Variants in CATSPERE observed in about 807,000 individuals in gnomAD.
The protein encoded by CATSPERE is cation channel sperm-associated auxiliary subunit epsilon.
Under a neutral mutation model 114.1 loss-of-function variants are expected in CATSPERE, and 93 were observed. That is an observed-to-expected ratio of 0.81 (90% CI 0.69 to 0.97). The LOEUF (loss-of-function observed/expected upper bound fraction) is 0.97, where lower values mean the gene tolerates loss of function less well. Among genes scored for constraint, CATSPERE ranks in the 50% least tolerant of loss-of-function variants. The probability of loss-of-function intolerance (pLI) is 0.00; values close to 1 mark genes in which losing one functional copy is unlikely to be tolerated. For missense variants in CATSPERE, 1,058 were observed against 1,131.6 expected (o/e 0.93, Z 0.93); for synonymous variants, 341 against 384.1 (o/e 0.89, Z 1.31).
At chr1:244,465,557 T>A (rs562411259) in intron 2 of CATSPERE, among the ~76,000 whole-genome samples, 1 of 152,234 alleles carries the variant, frequency 6.6e-6, no homozygotes, top group Non-Finnish European at 1.5e-5. Flanking sequence ...ATGTCACCTT[T>A]GTTCCGTATG....
At chr1:244,490,574 T>C (rs1272850290) in intron 6 of CATSPERE, 103 bp downstream of exon 6, 2 of 774,470 alleles carry the variant, frequency 2.6e-6, no homozygotes, top group East Asian at 2.6e-5. Context: ...CAAATGAATT[T>C]TGCAATGATA....
intron 17 of CATSPERE, among the ~76,000 whole-genome samples, chr1:244,601,076 A>G (rs1486253736): frequency 6.6e-6 from 1 of 152,218 alleles, no homozygotes; most frequent in Non-Finnish European, 1.5e-5. Context: ...ATGAAAAGAA[A>G]GTAGGCATAT....
At chr1:244,536,319 G>T (rs1260178351) in intron 8 of CATSPERE, among the ~76,000 whole-genome samples, 1 of 152,088 alleles carries the variant, frequency 6.6e-6, no homozygotes, top group African/African-American at 2.4e-5. Context: ...GCCCAGTACA[G>T]CACTAGATCT....
intron 20 of CATSPERE, among the ~76,000 whole-genome samples, chr1:244,621,697 G>C (rs1233853664): frequency 2.6e-5 from 4 of 152,022 alleles, no homozygotes; most frequent in Non-Finnish European, 4.4e-5. Context: ...CTTAAATGCT[G>C]AAATTTATTT....
chr1:244,635,416 A>T, intron 20 of CATSPERE, 73 bp from the exon 21 acceptor site: 4 of 1,097,500 alleles, frequency 3.6e-6, no homozygotes, highest in Non-Finnish European at 5.5e-6. Flanking sequence ...GATTGTTACC[A>T]TAGGGACATG....
intron 6 of CATSPERE, among the ~76,000 whole-genome samples, chr1:244,497,422 G>A (rs3006026): frequency 0.02 from 3,111 of 152,066 alleles, 111 homozygotes; most frequent in African/African-American, 0.067. Context: ...AAAAATGAGC[G>A]AATGAAATCC....
chr1:244,616,676 T>C (rs1392451851), intron 19 of CATSPERE, among the ~76,000 whole-genome samples: 1 of 152,232 alleles, frequency 6.6e-6, no homozygotes, highest in Non-Finnish European at 1.5e-5. Context: ...ATGAAGGTAG[T>C]GCCCCTGTGA....
At chr1:244,558,341 G>T (rs6700192) in intron 9 of CATSPERE, among the ~76,000 whole-genome samples, 20,103 of 151,742 alleles carry the variant, frequency 0.13, 2,392 homozygotes, top group African/African-American at 0.32. Flanking sequence ...GTAGAGATGG[G>T]GTTTTGCCAT....
chr1:244,471,979 A>C (rs1022038129), intron 2 of CATSPERE, among the ~76,000 whole-genome samples: 4 of 152,128 alleles, frequency 2.6e-5, no homozygotes, highest in Admixed American at 2.0e-4. Context: ...TTCTTTTCTG[A>C]GACAGACTCT....
rs150473118 is a variant in CATSPERE, at chr1:244,636,171, A to C, written c.2702+629A>C. Among the ~76,000 whole-genome samples, 17 of 152,258 alleles carry C rather than the reference A, an allele frequency of 1.1e-4. No homozygotes were observed. In the East Asian group the frequency reaches 3.1e-3, roughly 28 times the overall value. On this transcript the variant is annotated intron_variant, in intron 21 of 21. Transcript: ENST00000366534. Reference sequence around the variant, plus strand: ...GGAAACAGTAAAGGGATTTCCCTGGACTCAGCTCCAGTTCCCTTGGAGGGC... The same window carrying C: ...GGAAACAGTAAAGGGATTTCCCTGGCCTCAGCTCCAGTTCCCTTGGAGGGC...
chr1:244,481,504 G>A (rs75600724), intron 5 of CATSPERE, among the ~76,000 whole-genome samples: 3,502 of 152,176 alleles, frequency 0.023, 57 homozygotes, highest in Middle Eastern at 0.048. Context: ...GAGCTGAATT[G>A]TAAAAAAGGA....
At chr1:244,583,418 T>C (rs768541853) in intron 12 of CATSPERE, among the ~76,000 whole-genome samples, 2 of 152,106 alleles carry the variant, frequency 1.3e-5, no homozygotes, top group Admixed American at 1.3e-4. Flanking sequence ...AAAACTAATT[T>C]TACAACTCAC....
chr1:244,537,705 G>A (rs1210687303), intron 8 of CATSPERE, among the ~76,000 whole-genome samples: 1 of 152,118 alleles, frequency 6.6e-6, no homozygotes, highest in Non-Finnish European at 1.5e-5. Flanking sequence ...TTACATTGTG[G>A]TTTGAGACCA....
At chr1:244,579,596 G>T (rs1221486888) in intron 11 of CATSPERE, among the ~76,000 whole-genome samples, 2 of 152,130 alleles carry the variant, frequency 1.3e-5, no homozygotes, top group Non-Finnish European at 2.9e-5. Flanking sequence ...TCAAACATGT[G>T]TTGTTCAAGG....
rs377006714 is a variant in CATSPERE at position 244,461,489 on chromosome 1, T to C, written c.60T>C (p.Leu20=). 76 of 1,325,490 alleles carry C rather than the reference T, an allele frequency of 5.7e-5. No homozygotes were observed. The highest frequency in any genetic ancestry group is 7.0e-5 in the Non-Finnish European group (72 of 1,029,816). 82.1% of individuals were successfully genotyped at this position (1,325,490 alleles called of 1,614,324 possible). A position where few individuals can be genotyped will look rare whatever the true frequency, so the allele number is the denominator to read the frequency against. Residue 20 remains leucine, a synonymous_variant, in exon 1 of 22, where the codon CTT becomes CTC. Coordinates refer to ENST00000366534, the MANE Select transcript of CATSPERE (RefSeq NM_001130957.2). Reference sequence around the variant, plus strand: ...GGCTGAGCTGCTATGGCTCCGCCCTTTGGAGGTAGAGAGACGCCAGTCGCA... The same window carrying C: ...GGCTGAGCTGCTATGGCTCCGCCCTCTGGAGGTAGAGAGACGCCAGTCGCA... ...LLWLSCYGSA[L]WRYSTNSPNY...
intron 19 of CATSPERE, among the ~76,000 whole-genome samples, chr1:244,611,235 GACC>G (rs1670682324): frequency 6.6e-6 from 1 of 151,972 alleles, no homozygotes. Flanking sequence ...AATATTTGTG[GACC>G]AAATTAATTA....
rs75997470 is a variant in CATSPERE, at chr1:244,606,028, A to G, written c.2403+234A>G. On this transcript the variant is annotated intron_variant, in intron 18 of 21. Transcript: ENST00000366534. Reference sequence around the variant, plus strand: ...AAAAAATAACATTTATAGTAGGATGATGCAACTCTATGAGTCTTCTTTTCT... The same window carrying G: ...AAAAAATAACATTTATAGTAGGATGGTGCAACTCTATGAGTCTTCTTTTCT... 2.9e-3 allele frequency among the ~76,000 whole-genome samples: 442 copies of G among 152,322 alleles called. 3 individuals are homozygous for G. Among genetic ancestry groups the G allele is most frequent in the African/African-American group, 0.01 (418 of 41,574 alleles).
At chr1:244,517,222 T>TA (rs1352268923) in intron 7 of CATSPERE, among the ~76,000 whole-genome samples, 2 of 151,898 alleles carry the variant, frequency 1.3e-5, no homozygotes, top group Non-Finnish European at 2.9e-5. Context: ...AAAATATATA[T>TA]TTTTAAGCTT....
chr1:244,572,276 A>G, intron 10 of CATSPERE, 54 bp from the exon 11 acceptor site: 1 of 881,184 alleles, frequency 1.1e-6, no homozygotes, highest in East Asian at 2.7e-5. Flanking sequence ...ACTTAACTAA[A>G]ACAGCACGAT....
Sources: allele counts gnomAD v4.1 joint callset (sites outside exome capture counted in the v4.1 genomes callset), GRCh38; gene constraint gnomAD v4.1.1; transcripts MANE v1.5; gene names NCBI Gene and HGNC (gene_info 2026-07-23, HGNC 2026-07-21).